NBEAL1: variants seen among roughly 807,000 people sequenced by gnomAD.
NBEAL1 encodes neurobeachin like 1, also known as neurobeachin-like protein 1.
NBEAL1 carries 273 observed loss-of-function variants against 351.3 expected under a neutral mutation model. That is an observed-to-expected ratio of 0.78 (90% CI 0.70 to 0.86). The LOEUF (loss-of-function observed/expected upper bound fraction) is 0.86. NBEAL1 is among the 40% of genes least tolerant of loss of function. The probability of loss-of-function intolerance (pLI) is 0.00; values close to 1 mark genes in which losing one functional copy is unlikely to be tolerated. For missense variants in NBEAL1, 2,961 were observed against 3,201.3 expected (o/e 0.92, Z 1.81); for synonymous variants, 1,050 against 1,086.4 (o/e 0.97, Z 0.66).
In NBEAL1 at chr2:203,218,224, G is replaced by T. The variant is rs908509111; in HGVS notation, c.*870G>T. On this transcript the variant is annotated 3_prime_UTR_variant, in exon 56 of 56. Transcript: ENST00000683969. Reference sequence around the variant, plus strand: ...TACTTAGGATATCTGTGTGATTGATGAATGAATTGAAAAGATATGTATAAC... The same window carrying T: ...TACTTAGGATATCTGTGTGATTGATTAATGAATTGAAAAGATATGTATAAC... 3.9e-5 allele frequency: 6 copies of T among 152,096 alleles called. No homozygotes were observed. The highest frequency in any genetic ancestry group is 7.4e-5 in the Non-Finnish European group (5 of 68,008). 9.4% of individuals were successfully genotyped at this position (152,096 alleles called of 1,614,324 possible).
At chr2:203,195,000 A>G (rs534232808) in intron 47 of NBEAL1, among the ~76,000 whole-genome samples, 1 of 152,236 alleles carries the variant, frequency 6.6e-6, no homozygotes, top group South Asian at 2.1e-4. Flanking sequence ...GATTGAGACC[A>G]TCCTGGCTAA....
Position 203,219,051 on chromosome 2 carries a change from G to C in NBEAL1, c.*1697G>C, listed in dbSNP as rs1053164663. On this transcript the variant is annotated 3_prime_UTR_variant, in exon 56 of 56. Coordinates refer to ENST00000683969, the MANE Select transcript of NBEAL1 (RefSeq NM_001378026.1). ...AGCAATAATTATGATGCATAAATGAGACTGGCATCTATTCATTTATTTTAT... is the reference window on the plus strand; with the variant it reads ...AGCAATAATTATGATGCATAAATGACACTGGCATCTATTCATTTATTTTAT... 1 of 152,112 alleles carries C rather than the reference G, an allele frequency of 6.6e-6. No homozygotes were observed. The highest frequency in any genetic ancestry group is 2.4e-5 in the African/African-American group (1 of 41,420). The allele number at this position is 152,112 out of a possible 1,614,324, so 9.4% of individuals were successfully genotyped here.
chr2:203,140,075 C>T (rs1260272858), intron 31 of NBEAL1, among the ~76,000 whole-genome samples: 1 of 151,328 alleles, frequency 6.6e-6, no homozygotes, highest in African/African-American at 2.4e-5. Context: ...CCGAGGCGGG[C>T]GGATCACCTG....
Position 203,132,122 on chromosome 2 carries a change from C to A in NBEAL1, c.3714C>A (p.Ile1238=). The A allele has an allele frequency of 6.6e-7, 1 of 1,523,176 alleles. No homozygotes were observed. The highest frequency in any genetic ancestry group is 2.5e-5 in the East Asian group (1 of 40,730). The allele number at this position is 1,523,176 out of a possible 1,614,324, so 94.4% of individuals were successfully genotyped here. A position where few individuals can be genotyped will look rare whatever the true frequency, so the allele number is the denominator to read the frequency against. ...TSLIKNLTHQ[I]INTDPVINFK... ...TTATTAAAAACCTCACCCATCAAAT[C>A]ATAAATACAGGTATGAATAAGGCTA... Residue 1238 remains isoleucine (I), a synonymous_variant, in exon 26 of 56, where the codon ATC becomes ATA. Transcript: ENST00000683969.
At chr2:203,116,870 G>A (rs973765863) in intron 18 of NBEAL1, among the ~76,000 whole-genome samples, 1 of 151,830 alleles carries the variant, frequency 6.6e-6, no homozygotes, top group Admixed American at 6.6e-5. Context: ...AGGAGGCTGA[G>A]GTGGGCGGAT....
chr2:203,100,037 G>T (rs1408704137), intron 12 of NBEAL1, among the ~76,000 whole-genome samples: 2 of 152,020 alleles, frequency 1.3e-5, no homozygotes, highest in Non-Finnish European at 2.9e-5. Context: ...TAGAATAATG[G>T]CCTCCAGCTC....
chr2:203,174,858 C>CAAAT (rs34190645), intron 41 of NBEAL1, among the ~76,000 whole-genome samples: 25,464 of 143,238 alleles, frequency 0.18, 2,582 homozygotes, highest in East Asian at 0.48. Context: ...GACTCTGTCT[C>CAAAT]AAATAAATAA....
chr2:203,149,909 G>T (rs2063605962), intron 34 of NBEAL1, among the ~76,000 whole-genome samples: 1 of 151,990 alleles, frequency 6.6e-6, no homozygotes, highest in Non-Finnish European at 1.5e-5. Flanking sequence ...TCCTTTTTAT[G>T]GCTGAATAGT....
At chr2:203,025,719 T>C (rs191939614) in intron 2 of NBEAL1, among the ~76,000 whole-genome samples, 8 of 152,306 alleles carry the variant, frequency 5.3e-5, no homozygotes, top group Admixed American at 4.6e-4. Context: ...GATATTATGG[T>C]CTGTGAACTC....
Position 203,136,096 on chromosome 2 carries a change from A to G in NBEAL1, c.4233A>G (p.Glu1411=). The G allele has an allele frequency of 5.0e-6, 8 of 1,614,124 alleles. No individual in the cohort carries two copies. The highest frequency in any genetic ancestry group is 6.8e-6 in the Non-Finnish European group (8 of 1,179,992). ...ACCTCAGTGGAATTGACTCATGTGA[A>G]ATGAGTGATAGTGGAAGTCAAGTGC... The part of the protein sequence containing the change: ...SLDLSGIDSC[E]MSDSGSQVPD... Residue 1411 remains glutamate (E), a synonymous_variant, in exon 28 of 56, where the codon GAA becomes GAG. Transcript: ENST00000683969.
intron 3 of NBEAL1, among the ~76,000 whole-genome samples, chr2:203,045,564 G>C (rs1207800301): frequency 3.3e-5 from 5 of 152,062 alleles, no homozygotes; most frequent in Admixed American, 3.3e-4. Flanking sequence ...TATGCTTTGT[G>C]GCTTTTTTCT....
intron 6 of NBEAL1, among the ~76,000 whole-genome samples, chr2:203,067,632 A>G (rs182387361): frequency 2.8e-4 from 42 of 152,284 alleles, no homozygotes; most frequent in South Asian, 2.3e-3. Flanking sequence ...GCTGTCCTTT[A>G]AATATTTTCT....
intron 18 of NBEAL1, among the ~76,000 whole-genome samples, chr2:203,118,065 C>T (rs184289123): frequency 2.6e-4 from 39 of 152,184 alleles, no homozygotes; most frequent in Non-Finnish European, 5.7e-4. Flanking sequence ...CTTCTTTTTG[C>T]TGTGATACAT....
chr2:203,034,144 C>T (rs1312373090), intron 2 of NBEAL1, among the ~76,000 whole-genome samples: 1 of 151,030 alleles, frequency 6.6e-6, no homozygotes, highest in Admixed American at 6.6e-5. Context: ...CTAGTTCGTA[C>T]ATGGTTGGCC....
intron 7 of NBEAL1, among the ~76,000 whole-genome samples, chr2:203,070,419 T>C (rs2061662998): frequency 6.7e-6 from 1 of 148,832 alleles, no homozygotes; most frequent in Non-Finnish European, 1.5e-5. Flanking sequence ...TCTGGAGTGC[T>C]ATGGTATAAT....
chr2:203,026,727 A>G (rs1350684756), intron 2 of NBEAL1, among the ~76,000 whole-genome samples: 2 of 152,162 alleles, frequency 1.3e-5, no homozygotes, highest in Non-Finnish European at 2.9e-5. Flanking sequence ...GTTGGCCAGG[A>G]TGGTCTCAAT....
chr2:203,048,229 A>G (rs904995188), intron 3 of NBEAL1, among the ~76,000 whole-genome samples: 2 of 151,870 alleles, frequency 1.3e-5, no homozygotes, highest in Non-Finnish European at 2.9e-5. Flanking sequence ...GAAAAATACA[A>G]AAATTAGGTG....
Position 203,201,597 on chromosome 2 carries a change from GCTATT to G in NBEAL1, c.7294_7298del (p.Leu2432CysfsTer5). ...CTCCCGGGCTAGAGATCACTTCTAA[GCTATT>G]TGTAGTATCACATGATGCAAAGTTG... On this transcript the variant is annotated frameshift_variant, in exon 50 of 56. Coordinates refer to ENST00000683969, the MANE Select transcript of NBEAL1 (RefSeq NM_001378026.1). LOFTEE classifies it high-confidence loss of function. 6.2e-7 allele frequency: 1 copy of G among 1,611,912 alleles called. No homozygotes were observed. Among genetic ancestry groups the G allele is most frequent in the Non-Finnish European group, 8.5e-7 (1 of 1,178,822 alleles).
At chr2:203,155,706 C>T (rs544727117) in intron 35 of NBEAL1, among the ~76,000 whole-genome samples, 1 of 152,280 alleles carries the variant, frequency 6.6e-6, no homozygotes, top group Non-Finnish European at 1.5e-5. Flanking sequence ...CCTCAGCCTC[C>T]CAGAGTGCTG....
Sources: gnomAD v4.1 joint callset for allele counts (sites outside exome capture counted in the v4.1 genomes callset) on GRCh38, gnomAD v4.1.1 for gene constraint, MANE v1.5 for transcripts, NCBI Gene and HGNC (gene_info 2026-07-23, HGNC 2026-07-21) for gene names.